PCDHA8: variants seen among roughly 807,000 people sequenced by gnomAD.
PCDHA8 encodes protocadherin alpha-8.
PCDHA8 carries 53 observed loss-of-function variants against 61.8 expected under a neutral mutation model. The ratio of observed to expected loss-of-function variants is 0.86; its 90% CI spans 0.69 to 1.08. PCDHA8 has a LOEUF of 1.08. PCDHA8 is among the 50% of genes least tolerant of loss of function. PCDHA8 has a pLI of 0.00. For synonymous variants in PCDHA8, 618 were observed against 556.6 expected, an observed-to-expected ratio of 1.11 and a Z score of -1.55; for missense variants, 1,293 against 1,245.0, an observed-to-expected ratio of 1.04 and a Z score of -0.58.
intron 1 of PCDHA8, chr5:140,865,831 C>T (rs1554159632): frequency 6.6e-6 from 1 of 152,124 alleles, no homozygotes. Context: ...GTAGAGCTTT[C>T]TTTAGTAAGT....
At chr5:140,946,314 T>C (rs1307176539) in intron 1 of PCDHA8, among the ~76,000 whole-genome samples, 2 of 151,808 alleles carry the variant, frequency 1.3e-5, no homozygotes, top group African/African-American at 4.8e-5. Flanking sequence ...ATGGCTATTA[T>C]TGAAAGAGGA....
chr5:140,946,731 G>T (rs1183627101), intron 1 of PCDHA8, among the ~76,000 whole-genome samples: 1 of 150,574 alleles, frequency 6.6e-6, no homozygotes, highest in African/African-American at 2.5e-5. Flanking sequence ...AATAAGCCAG[G>T]CACAGAAAGA....
chr5:140,853,955 T>C (rs1554146923), intron 1 of PCDHA8: 2 of 752,526 alleles, frequency 2.7e-6, no homozygotes, highest in Non-Finnish European at 3.3e-6. Context: ...GGTCCCTTCC[T>C]TGAGCCCAGC....
intron 2 of PCDHA8, chr5:140,982,255 G>A (rs1226877967): frequency 1.6e-5 from 13 of 791,614 alleles, no homozygotes; most frequent in South Asian, 1.3e-4. Context: ...GATAGAACAT[G>A]TGTGTTCCTG....
intron 2 of PCDHA8, among the ~76,000 whole-genome samples, chr5:140,981,395 G>A (rs928966988): frequency 5.2e-4 from 79 of 152,210 alleles, no homozygotes; most frequent in African/African-American, 1.9e-3. Context: ...TCAATATGGT[G>A]AAAACCTGTC....
At chr5:140,936,986 A>G (rs2091244455) in intron 1 of PCDHA8, among the ~76,000 whole-genome samples, 1 of 151,898 alleles carries the variant, frequency 6.6e-6, no homozygotes, top group Non-Finnish European at 1.5e-5. Context: ...GCTTGTTAAC[A>G]TTGACAATAT....
At chr5:140,890,830 A>G (rs903756043) in intron 1 of PCDHA8, among the ~76,000 whole-genome samples, 1 of 152,182 alleles carries the variant, frequency 6.6e-6, no homozygotes, top group Non-Finnish European at 1.5e-5. Context: ...GTACTTACAT[A>G]TTTACCAGTT....
At chr5:140,876,204 G>A (rs1582266262) in intron 1 of PCDHA8, 1 of 1,613,934 alleles carries the variant, frequency 6.2e-7, no homozygotes, top group Non-Finnish European at 8.5e-7. Flanking sequence ...CGTTTGATAA[G>A]CCCAGCTATA....
chr5:140,946,974 G>A (rs1554217987), intron 1 of PCDHA8, among the ~76,000 whole-genome samples: 1 of 151,636 alleles, frequency 6.6e-6, no homozygotes, highest in African/African-American at 2.4e-5. Context: ...TTATAGAATA[G>A]AGGATTTTGA....
At chr5:140,955,124 CTG>C (rs1404094455) in intron 1 of PCDHA8, among the ~76,000 whole-genome samples, 1 of 152,016 alleles carries the variant, frequency 6.6e-6, no homozygotes. Context: ...TTCTGTTCCA[CTG>C]GTCTACACGT....
At chr5:140,932,491 T>C (rs1041440008) in intron 1 of PCDHA8, among the ~76,000 whole-genome samples, 11 of 151,918 alleles carry the variant, frequency 7.2e-5, no homozygotes, top group Non-Finnish European at 1.6e-4. Flanking sequence ...CTCTTTGCAA[T>C]GTCATTTGTT....
Position 140,871,448 on chromosome 5 carries a change from A to G in PCDHA8, c.2394+27733A>G, listed in dbSNP as rs2053088391. On this transcript the variant is annotated intron_variant, in intron 1 of 3. Transcript: ENST00000531613. ...AGTCTTCCTCTAGGTCTGAATAAAG[A>G]GGAGGAAGGGGAAAGACAGGAGCCA... 2 of 1,609,780 alleles carry G rather than the reference A, an allele frequency of 1.2e-6. No homozygotes were observed. Among genetic ancestry groups the G allele is most frequent in the African/African-American group, 2.7e-5 (2 of 74,984 alleles).
intron 1 of PCDHA8, among the ~76,000 whole-genome samples, chr5:140,948,360 C>T (rs1258504765): frequency 6.6e-6 from 1 of 151,494 alleles, no homozygotes; most frequent in Non-Finnish European, 1.5e-5. Context: ...AATAAAATGA[C>T]TTAGGAGGTG....
chr5:141,006,646 A>G (rs1478861419), intron 3 of PCDHA8, among the ~76,000 whole-genome samples: 1 of 152,206 alleles, frequency 6.6e-6, no homozygotes, highest in African/African-American at 2.4e-5. Flanking sequence ...ATAAGAGATG[A>G]TGGTGTCCTG....
intron 1 of PCDHA8, chr5:140,884,494 C>A: frequency 6.2e-7 from 1 of 1,614,068 alleles, no homozygotes; most frequent in Non-Finnish European, 8.5e-7. Context: ...TAGTGTGCTC[C>A]AGCGCGGCAG....
chr5:140,929,167 T>G (rs781804558), intron 1 of PCDHA8: 2 of 1,614,144 alleles, frequency 1.2e-6, no homozygotes, highest in Non-Finnish European at 1.7e-6. Context: ...CTATCGGGCC[T>G]CTCTGGGACT....
At chr5:140,907,872 G>A (rs1473403839) in intron 1 of PCDHA8, among the ~76,000 whole-genome samples, 1 of 152,208 alleles carries the variant, frequency 6.6e-6, no homozygotes, top group Non-Finnish European at 1.5e-5. Flanking sequence ...CCGTTGGTGA[G>A]CACTCACATG....
At chr5:140,852,213 T>C (rs1221806389) in intron 1 of PCDHA8, 1 of 646,494 alleles carries the variant, frequency 1.5e-6, no homozygotes, top group Non-Finnish European at 2.0e-6. Flanking sequence ...TAAAACAAAA[T>C]ATTTTAATTT....
intron 1 of PCDHA8, among the ~76,000 whole-genome samples, chr5:140,944,853 C>G (rs1230548858): frequency 6.6e-6 from 1 of 152,118 alleles, no homozygotes; most frequent in Non-Finnish European, 1.5e-5. Context: ...TTAGAATCAT[C>G]CTTATTTATC....
Sources: allele counts gnomAD v4.1 joint callset (sites outside exome capture counted in the v4.1 genomes callset), GRCh38; gene constraint gnomAD v4.1.1; transcripts MANE v1.5; gene names NCBI Gene and HGNC (gene_info 2026-07-23, HGNC 2026-07-21).